The following CYRIB variants were observed in gnomAD, a reference collection of about 807,000 sequenced individuals.
CYRIB encodes CYFIP related Rac1 interactor B, also known as CYFIP-related Rac1 interactor B.
A neutral mutation model predicts 44.2 loss-of-function variants in CYRIB; 8 were observed. The ratio of observed to expected loss-of-function variants is 0.18; its 90% CI spans 0.11 to 0.33. The LOEUF (loss-of-function observed/expected upper bound fraction) is 0.33. CYRIB is among the 10% of genes least tolerant of loss of function. The pLI is 1.00. For missense variants in CYRIB, 185 were observed against 382.8 expected, an observed-to-expected ratio of 0.48 and a Z score of 4.31; for synonymous variants, 131 against 127.2, an observed-to-expected ratio of 1.03 and a Z score of -0.20.
At chr8:129,850,633 C>T (rs1363941367) in intron 9 of CYRIB, 9 of 569,338 alleles carry the variant, frequency 1.6e-5, no homozygotes, top group East Asian at 1.2e-4. Flanking sequence ...GACCAACTAA[C>T]TCTATTTTAT....
chr8:129,986,787 T>A (rs1013338549), intron 1 of CYRIB, among the ~76,000 whole-genome samples: 1 of 152,182 alleles, frequency 6.6e-6, no homozygotes, highest in Non-Finnish European at 1.5e-5. Context: ...TTTCAGGTAT[T>A]CTGTTGTAAG....
chr8:129,847,281 G>A lies in CYRIB; in HGVS notation c.841-407C>T, dbSNP rs2040586236. ...GTTCGAGACCATCCTGCCTAACACGGTAAAACCCCGTCTCTACTAAAAATA... is the reference window on the plus strand; with the variant it reads ...GTTCGAGACCATCCTGCCTAACACGATAAAACCCCGTCTCTACTAAAAATA... On this transcript the variant is annotated intron_variant, in intron 10 of 11. Coordinates refer to ENST00000519824, the Ensembl canonical transcript of CYRIB. 1.9e-5 allele frequency: 3 copies of A among 156,402 alleles called. No homozygotes were observed. The East Asian group carries it at 5.7e-4, about 30-fold the overall frequency. 9.7% of individuals were successfully genotyped at this position (156,402 alleles called of 1,614,324 possible). A position where few individuals can be genotyped will look rare whatever the true frequency, so the allele number is the denominator to read the frequency against.
At chr8:129,850,645 C>T in intron 9 of CYRIB, 190 bp downstream of exon 11, 1 of 593,570 alleles carries the variant, frequency 1.7e-6, no homozygotes, top group Non-Finnish European at 3.0e-6. Flanking sequence ...CTATTTTATA[C>T]TTAACCAGAA....
chr8:129,855,744 G>A (rs1161957971), exon 6 of CYRIB: 2 of 1,593,738 alleles, frequency 1.3e-6, no homozygotes, highest in Non-Finnish European at 8.5e-7. Context: ...TCTTAATGCT[G>A]CTTCTAAAGA....
At chr8:129,910,227 G>A (rs2077253156) in intron 1 of CYRIB, among the ~76,000 whole-genome samples, 1 of 152,194 alleles carries the variant, frequency 6.6e-6, no homozygotes, top group South Asian at 2.1e-4. Flanking sequence ...AAAGTGACAT[G>A]TCTATCTCAT....
intron 4 of CYRIB, among the ~76,000 whole-genome samples, chr8:129,865,959 G>A (rs988506206): frequency 3.9e-5 from 6 of 152,108 alleles, no homozygotes; most frequent in African/African-American, 1.4e-4. Flanking sequence ...AGCCACATCG[G>A]GGAAAATAGT....
At chr8:129,853,780 A>T (rs965076244) in intron 7 of CYRIB, among the ~76,000 whole-genome samples, 1 of 152,208 alleles carries the variant, frequency 6.6e-6, no homozygotes, top group Non-Finnish European at 1.5e-5. Context: ...AAACAGCTAT[A>T]TCAGGCACAG....
intron 5 of CYRIB, among the ~76,000 whole-genome samples, chr8:129,857,171 A>T (rs1394491571): frequency 1.3e-5 from 2 of 152,186 alleles, no homozygotes; most frequent in Non-Finnish European, 2.9e-5. Flanking sequence ...GGGAAAATGG[A>T]TGTAGACAGA....
chr8:129,855,966 G>A (rs11783021), intron 5 of CYRIB, among the ~76,000 whole-genome samples: 9,042 of 152,186 alleles, frequency 0.059, 358 homozygotes, highest in Middle Eastern at 0.096. Flanking sequence ...AACCTTAAAC[G>A]GACTAATTCA....
At chr8:129,911,420 T>C (rs569896278) in intron 1 of CYRIB, among the ~76,000 whole-genome samples, 1 of 152,326 alleles carries the variant, frequency 6.6e-6, no homozygotes, top group South Asian at 2.1e-4. Context: ...TATTATAATA[T>C]TCCTTTCTGT....
intron 1 of CYRIB, among the ~76,000 whole-genome samples, chr8:129,998,442 T>G (rs12541347): frequency 0.5 from 76,105 of 151,696 alleles, 21,751 homozygotes; most frequent in African/African-American, 0.78. Context: ...AGGGGTAACA[T>G]CCAGGGCCAG....
chr8:129,982,358 C>T (rs1591703486), intron 1 of CYRIB, among the ~76,000 whole-genome samples: 1 of 152,334 alleles, frequency 6.6e-6, no homozygotes, highest in Admixed American at 6.5e-5. Flanking sequence ...AGCACTTGAA[C>T]TCTGGCTACT....
chr8:129,937,160 T>C (rs1375664769), intron 1 of CYRIB, among the ~76,000 whole-genome samples: 1 of 152,254 alleles, frequency 6.6e-6, no homozygotes, highest in African/African-American at 2.4e-5. Context: ...AATATAATTA[T>C]TGAGTATCCA....
At chr8:129,861,892 T>A (rs1442537901) in intron 5 of CYRIB, among the ~76,000 whole-genome samples, 2 of 152,184 alleles carry the variant, frequency 1.3e-5, no homozygotes, top group East Asian at 3.9e-4. Context: ...ATCGCTACAG[T>A]AAGTCCTTTT....
chr8:129,992,096 A>G (rs1473851348), intron 1 of CYRIB, among the ~76,000 whole-genome samples: 2 of 151,972 alleles, frequency 1.3e-5, no homozygotes, highest in Admixed American at 6.6e-5. Flanking sequence ...TGAGGCATGC[A>G]GAGTGCTTAA....
chr8:129,910,820 T>C (rs1021946488), intron 1 of CYRIB, among the ~76,000 whole-genome samples: 2 of 152,252 alleles, frequency 1.3e-5, no homozygotes, highest in Admixed American at 6.5e-5. Flanking sequence ...AGAAACACGG[T>C]CTCGCTCTGT....
rs377108200 is a variant in CYRIB, at chr8:129,871,368, G to A, written c.195+7C>T. 120 of 1,601,200 alleles carry A rather than the reference G, an allele frequency of 7.5e-5. No individual in the cohort carries two copies. In the African/African-American group the frequency reaches 1.4e-3, roughly 19 times the overall value. On this transcript the variant is annotated splice_region_variant and intron_variant, in intron 4 of 11. Transcript: ENST00000519824. The stretch of plus-strand genomic sequence containing the variant: ...AGTTAACTAGAAAATACATAAATGC[G>A]CTTTACCTCTCGTATTTCGTGGCCA...
intron 1 of CYRIB, among the ~76,000 whole-genome samples, chr8:129,935,004 A>G (rs887566619): frequency 6.6e-6 from 1 of 152,220 alleles, no homozygotes; most frequent in African/African-American, 2.4e-5. Flanking sequence ...TTGGTCTGGC[A>G]ATAATTTCCA....
intron 4 of CYRIB, among the ~76,000 whole-genome samples, chr8:129,863,927 T>C (rs1214090351): frequency 1.3e-5 from 2 of 152,242 alleles, no homozygotes; most frequent in Non-Finnish European, 2.9e-5. Context: ...AGCAGGGACC[T>C]GCTTATAAAC....
Sources: allele counts gnomAD v4.1 joint callset (sites outside exome capture counted in the v4.1 genomes callset), GRCh38; gene constraint gnomAD v4.1.1; transcripts MANE v1.5; gene names NCBI Gene and HGNC (gene_info 2026-07-23, HGNC 2026-07-21).